Variants in ICE1 observed in about 807,000 individuals in gnomAD.
The protein encoded by ICE1 is interactor of little elongation complex ELL subunit 1.
In ICE1, 64 loss-of-function variants were observed where a neutral mutation model predicts 192.7. The observed-to-expected ratio is 0.33, with a 90% CI of 0.27 to 0.41. The LOEUF is 0.41. ICE1 is among the 10% of genes least tolerant of loss of function. ICE1 has a pLI of 1.00. For missense variants in ICE1, 2,708 were observed against 2,696.0 expected, an observed-to-expected ratio of 1.00 and a Z score of -0.10; for synonymous variants, 1,010 against 984.5, an observed-to-expected ratio of 1.03 and a Z score of -0.49.
At chr5:5,466,808 T>C (rs1244084203) in intron 14 of ICE1, among the ~76,000 whole-genome samples, 1 of 152,146 alleles carries the variant, frequency 6.6e-6, no homozygotes, top group African/African-American at 2.4e-5. Context: ...TTAAAGTAAG[T>C]GACAAGCCAA....
rs527421723 is a variant in ICE1, at chr5:5,487,524, G to A, written c.6619+705G>A. Among the ~76,000 whole-genome samples, 5 of 152,272 alleles carry A rather than the reference G, an allele frequency of 3.3e-5. No individual in the cohort carries two copies. In the East Asian group the frequency reaches 9.6e-4, roughly 29 times the overall value. On this transcript the variant is annotated intron_variant, in intron 18 of 18. Transcript: ENST00000296564. ...GTAGGTTGTCTTCAGCTTTCAGTGGGAGACTGTATATTTAGCTTAATGAGA... is the reference window on the plus strand; with the variant it reads ...GTAGGTTGTCTTCAGCTTTCAGTGGAAGACTGTATATTTAGCTTAATGAGA...
chr5:5,448,317 A>G (rs549273331), intron 10 of ICE1, among the ~76,000 whole-genome samples: 34 of 152,232 alleles, frequency 2.2e-4, no homozygotes, highest in Non-Finnish European at 4.6e-4. Flanking sequence ...AGCCCTATAT[A>G]GTATAGACAG....
At chr5:5,480,878 G>A (rs368715290) in intron 17 of ICE1, among the ~76,000 whole-genome samples, 1 of 152,204 alleles carries the variant, frequency 6.6e-6, no homozygotes, top group African/African-American at 2.4e-5. Flanking sequence ...TATGAATTTG[G>A]TAGAGATACA....
intron 5 of ICE1, among the ~76,000 whole-genome samples, chr5:5,442,759 T>G (rs1331629217): frequency 6.6e-6 from 1 of 152,236 alleles, no homozygotes; most frequent in Non-Finnish European, 1.5e-5. Flanking sequence ...TATATCAGTG[T>G]TCACACATTT....
intron 15 of ICE1, 136 bp from the exon 16 acceptor site, chr5:5,473,422 A>T: frequency 2.8e-6 from 2 of 725,718 alleles, no homozygotes; most frequent in Non-Finnish European, 2.2e-6. Context: ...ATGGTTCCTT[A>T]GTCAAACTGT....
chr5:5,479,161 A>T (rs765579439), intron 17 of ICE1, among the ~76,000 whole-genome samples: 1 of 152,208 alleles, frequency 6.6e-6, no homozygotes, highest in Non-Finnish European at 1.5e-5. Context: ...ATGAACAGGC[A>T]TCCTACAGAA....
chr5:5,435,657 G>GTTTGT (rs1737846471), intron 1 of ICE1, among the ~76,000 whole-genome samples: 1 of 114,296 alleles, frequency 8.7e-6, no homozygotes, highest in African/African-American at 3.4e-5. Flanking sequence ...CCAAATTTGT[G>GTTTGT]TTTTTTTTTT....
rs1240925384 is a variant in ICE1, at chr5:5,461,844, T to A, written c.2510T>A (p.Leu837His). 2.5e-6 allele frequency: 4 copies of A among 1,613,858 alleles called. No homozygotes were observed. The highest frequency in any genetic ancestry group is 3.4e-6 in the Non-Finnish European group (4 of 1,179,898). The change falls in exon 13 of 19, where the codon CTT (leucine) becomes CAT (histidine). Residue 837 changes from leucine (L) to histidine (H), a missense_variant. Transcript: ENST00000296564. ...AGAGGACCAACACCCAAGCCTGATC[T>A]TCTTAGAGAAAATAACAATCCTGTA... ...QNRGPTPKPD[L>H]LRENNNPVEF...
At position 5,464,515 on chromosome 5, in the gene ICE1, G is replaced by A. The variant is rs535214368; in HGVS notation, c.5181G>A (p.Val1727=). ...CCACGCCGAAGCACGCACTTCCTGT[G>A]CCTGGCCGACTCCCACCCTGTGCAT... is the stretch of plus-strand genomic sequence containing the variant. ...CAATPKHALP[V]PGRLPPCASG... The change falls in exon 13 of 19, where the codon GTG becomes GTA. Residue 1727 remains valine (V), a synonymous_variant. Coordinates refer to ENST00000296564, the MANE Select transcript of ICE1 (RefSeq NM_015325.3). The surrounding 1 kb of genome is among the most constrained non-coding windows in gnomAD (Gnocchi z 4.0). 4 of 1,613,810 alleles carry A rather than the reference G, an allele frequency of 2.5e-6. No homozygotes were observed. The highest frequency in any genetic ancestry group is 3.4e-6 in the Non-Finnish European group (4 of 1,179,888).
In ICE1 at chr5:5,462,497, A is replaced by G; in HGVS notation, c.3163A>G (p.Thr1055Ala). The stretch of plus-strand genomic sequence containing the variant: ...TGGACTTTGGAAATTGAAATCTACA[A>G]CTCCCGGTGGTGCTTTGCCTGAGTG... ...ANGLWKLKST[T>A]PGGALPECFG... The change falls in exon 13 of 19, where the codon ACT (threonine) becomes GCT (alanine). Residue 1055 changes from threonine to alanine, a missense_variant. Coordinates refer to ENST00000296564, the MANE Select transcript of ICE1 (RefSeq NM_015325.3). 6 of 1,613,308 alleles carry G rather than the reference A, an allele frequency of 3.7e-6. No homozygotes were observed. The highest frequency in any genetic ancestry group is 2.2e-5 in the East Asian group (1 of 44,854).
chr5:5,486,793 T>C lies in ICE1; in HGVS notation c.6593T>C (p.Met2198Thr). 1.9e-6 allele frequency: 3 copies of C among 1,598,788 alleles called. No homozygotes were observed. Among genetic ancestry groups the C allele is most frequent in the Non-Finnish European group, 2.6e-6 (3 of 1,171,526 alleles). The change falls in exon 18 of 19, where the codon ATG (methionine) becomes ACG (threonine). Residue 2198 changes from methionine to threonine, a missense_variant. Met to Thr is a moderately conservative substitution (Grantham distance 81, BLOSUM62 -1). This residue lies in a region of ICE1 where 342 missense variants were observed against 419.3 expected (regional missense o/e 0.82). Coordinates refer to ENST00000296564, the MANE Select transcript of ICE1 (RefSeq NM_015325.3). ...AAAAATATTAGTTCGGTTATTGGTA[T>C]GTTTATACAGCATGCTCACGATGAA... is the stretch of plus-strand genomic sequence containing the variant. ...AVKNISSVIG[M>T]FIQHAHDEDI...
At chr5:5,487,393 T>C (rs1330609318) in intron 18 of ICE1, among the ~76,000 whole-genome samples, 1 of 152,216 alleles carries the variant, frequency 6.6e-6, no homozygotes, top group Non-Finnish European at 1.5e-5. Flanking sequence ...AGTTTTTATT[T>C]TGAATATTGT....
chr5:5,434,897 A>G (rs1737824827), intron 1 of ICE1, among the ~76,000 whole-genome samples: 1 of 152,228 alleles, frequency 6.6e-6, no homozygotes, highest in South Asian at 2.1e-4. Flanking sequence ...AAAAGGTGGA[A>G]TACGTTTTTT....
At chr5:5,472,801 C>G (rs114903945) in intron 15 of ICE1, among the ~76,000 whole-genome samples, 167 of 152,242 alleles carry the variant, frequency 1.1e-3, no homozygotes, top group African/African-American at 3.9e-3. Context: ...TCATGCAGTG[C>G]TGGTGGAAAC....
In ICE1 at chr5:5,463,086, T is replaced by A. The variant is rs1292618536; in HGVS notation, c.3752T>A (p.Leu1251His). The A allele has an allele frequency of 1.2e-6, 2 of 1,613,370 alleles. No individual in the cohort carries two copies. Among genetic ancestry groups the A allele is most frequent in the Non-Finnish European group, 8.5e-7 (1 of 1,179,724 alleles). Reference protein sequence around the residue: ...DDYSLKNTSQLTQCSLETLSE... With the variant: ...DDYSLKNTSQHTQCSLETLSE... ...TATTCGTTAAAAAATACAAGTCAGC[T>A]CACTCAGTGTTCTTTGGAAACTCTG... The change falls in exon 13 of 19, where the codon CTC becomes CAC. Residue 1251 changes from leucine to histidine, a missense_variant. Around this residue, in one of 2 missense-constraint regions of ICE1, gnomAD observed 2,366 missense variants for 2,276.6 expected, o/e 1.04. Coordinates refer to ENST00000296564, the MANE Select transcript of ICE1 (RefSeq NM_015325.3).
rs142643901 is a variant in ICE1, at chr5:5,464,950, A to C, written c.5616A>C (p.Pro1872=). The change falls in exon 13 of 19, where the codon CCA becomes CCC. Residue 1872 remains proline (P), a synonymous_variant. Transcript: ENST00000296564. The surrounding 1 kb of genome is among the most constrained non-coding windows in gnomAD (Gnocchi z 4.0). Reference sequence around the variant, plus strand: ...CAGAAGGAATCCACAAAAACCTCCCAGGGAACCTCCCTCCAGCTGAAGTTG... The same window carrying C: ...CAGAAGGAATCCACAAAAACCTCCCCGGGAACCTCCCTCCAGCTGAAGTTG... ...VTAEGIHKNL[P]GNLPPAEVAT... is the part of the protein sequence containing the mutation. The C allele has an allele frequency of 2.6e-4, 419 of 1,613,698 alleles. 1 individual carries two copies. The African/African-American group carries it at 5.0e-3, about 19-fold the overall frequency.
intron 8 of ICE1, 58 bp downstream of exon 8, chr5:5,447,567 G>GTGT: frequency 7.1e-7 from 1 of 1,414,370 alleles, no homozygotes; most frequent in South Asian, 1.3e-5. Context: ...GGTCTCTGTA[G>GTGT]TGTCTCTGTG....
chr5:5,471,072 C>T (rs1055584714), intron 15 of ICE1, among the ~76,000 whole-genome samples: 6 of 152,022 alleles, frequency 3.9e-5, no homozygotes, highest in African/African-American at 1.4e-4. Context: ...GGAAAAGAAA[C>T]AGAAACACAT....
intron 10 of ICE1, among the ~76,000 whole-genome samples, chr5:5,452,952 A>C (rs957962796): frequency 6.6e-6 from 1 of 152,162 alleles, no homozygotes; most frequent in Non-Finnish European, 1.5e-5. Context: ...CTAAGTGTGA[A>C]GTTAACGCTG....
Sources: allele counts gnomAD v4.1 joint callset (sites outside exome capture counted in the v4.1 genomes callset), GRCh38; gene constraint gnomAD v4.1.1; regional missense constraint gnomAD v4.1.1; non-coding constraint Gnocchi (gnomAD v3.1); transcripts MANE v1.5; gene names NCBI Gene and HGNC (gene_info 2026-07-23, HGNC 2026-07-21).